GSDMB: variants seen among roughly 807,000 people sequenced by gnomAD.
GSDMB encodes the protein gasdermin B, also known as gasdermin-B.
A neutral mutation model predicts 42.9 loss-of-function variants in GSDMB; 32 were observed. The ratio of observed to expected loss-of-function variants is 0.75; its 90% CI spans 0.56 to 1.00. The LOEUF (loss-of-function observed/expected upper bound fraction) is 1.00, where lower values mean the gene tolerates loss of function less well. Ranked by LOEUF, GSDMB falls within the 50% of genes least tolerant of loss-of-function variation. The pLI, the probability that GSDMB is intolerant of heterozygous loss-of-function variation, is 0.00. For synonymous variants in GSDMB, 175 were observed against 193.7 expected (o/e 0.90, Z 0.80); for missense variants, 468 against 498.5 (o/e 0.94, Z 0.58).
At chr17:39,917,553 T>G in intron 1 of GSDMB, 2 of 484,524 alleles carry the variant, frequency 4.1e-6, no homozygotes, top group Non-Finnish European at 7.5e-6. Flanking sequence ...TTGTGATTTG[T>G]TCCTGCCCCA....
chr17:39,913,013 A>G (rs1406772248), intron 2 of GSDMB, among the ~76,000 whole-genome samples: 1 of 152,148 alleles, frequency 6.6e-6, no homozygotes, highest in African/African-American at 2.4e-5. Flanking sequence ...AGGCTGAGGC[A>G]TGAGAATCGC....
chr17:39,911,845 C>T (rs1344006190), intron 3 of GSDMB, among the ~76,000 whole-genome samples: 3 of 151,926 alleles, frequency 2.0e-5, no homozygotes, highest in African/African-American at 7.3e-5. Context: ...GAGAGTGCCT[C>T]TTAAACCACC....
chr17:39,918,438 T>C (rs2063754209), intron 1 of GSDMB, 96 bp downstream of exon 1: 1 of 152,606 alleles, frequency 6.6e-6, no homozygotes, highest in Admixed American at 6.5e-5. Flanking sequence ...GGCCCCATCA[T>C]GGTGGTTGAC....
intron 3 of GSDMB, among the ~76,000 whole-genome samples, chr17:39,910,588 G>A (rs2063589534): frequency 6.6e-6 from 1 of 152,160 alleles, no homozygotes; most frequent in Non-Finnish European, 1.5e-5. Context: ...CCGTGACACT[G>A]AGATAGGCAT....
At chr17:39,915,692 C>T (rs1018125898) in intron 2 of GSDMB, among the ~76,000 whole-genome samples, 2 of 150,908 alleles carry the variant, frequency 1.3e-5, no homozygotes, top group East Asian at 1.9e-4. Context: ...TTGAAAGATG[C>T]GAATCTGAAA....
At chr17:39,911,980 T>C (rs1403505619) in intron 3 of GSDMB, among the ~76,000 whole-genome samples, 1 of 147,472 alleles carries the variant, frequency 6.8e-6, no homozygotes, top group South Asian at 2.1e-4. Context: ...AACAACCAGG[T>C]TTGTCCAAGT....
chr17:39,908,214 T>G lies in GSDMB; in HGVS notation c.662A>C (p.Asn221Thr). The G allele has an allele frequency of 2.6e-6, 4 of 1,517,400 alleles. No individual in the cohort carries two copies. Among genetic ancestry groups the G allele is most frequent in the Non-Finnish European group, 3.6e-6 (4 of 1,116,590 alleles). 94.0% of individuals were successfully genotyped at this position (1,517,400 alleles called of 1,614,324 possible). A position where few individuals can be genotyped will look rare whatever the true frequency, so the allele number is the denominator to read the frequency against. ...TTTTGTTTTGCCCCTGAAATGAATA[T>G]CTAAACCAGCACCAAAAAGGGAGGA... The part of the protein sequence containing the change: ...QLVFPNKETM[N>T]IHFRGKTKSF... Residue 221 changes from asparagine (N) to threonine (T), a missense_variant and splice_region_variant, in exon 6 of 11, where the codon AAT (asparagine) becomes ACT (threonine). Asn to Thr is a moderately conservative substitution (Grantham distance 65). Coordinates refer to ENST00000418519, the MANE Select transcript of GSDMB (RefSeq NM_001165958.2).
rs1486624221 is a variant in GSDMB, at chr17:39,906,957, T to C, written c.727+4A>G. 1 of 1,613,954 alleles carries C rather than the reference T, an allele frequency of 6.2e-7. No homozygotes were observed. Among genetic ancestry groups the C allele is most frequent in the Non-Finnish European group, 8.5e-7 (1 of 1,179,942 alleles). ...CCCTGAACACACTTGGCTATCACCC[T>C]TACCTAAACAGGATGAAGCACCATC... On this transcript the variant is annotated splice_donor_region_variant and intron_variant, in intron 7 of 10. Coordinates refer to ENST00000418519, the MANE Select transcript of GSDMB (RefSeq NM_001165958.2).
intron 5 of GSDMB, 102 bp from the exon 6 acceptor site, chr17:39,908,316 C>T (rs2063542440): frequency 2.4e-6 from 1 of 412,798 alleles, no homozygotes; most frequent in South Asian, 3.9e-5. Flanking sequence ...CCTATACCAG[C>T]CTCCAATCAA....
At chr17:39,908,016 C>T (rs1016761613) in intron 6 of GSDMB, among the ~76,000 whole-genome samples, 160 bp downstream of exon 6, 1 of 152,216 alleles carries the variant, frequency 6.6e-6, no homozygotes, top group Non-Finnish European at 1.5e-5. Flanking sequence ...GCAATCCAGA[C>T]TCTTCAACAG....
chr17:39,912,290 TTCCC>T, intron 3 of GSDMB, 32 bp downstream of exon 3: 1 of 1,544,846 alleles, frequency 6.5e-7, no homozygotes, highest in African/African-American at 1.4e-5. Context: ...GATGGGCTTC[TTCCC>T]CTCCTTCCCT....
Position 39,912,440 on chromosome 17 carries a change from A to T in GSDMB, c.293T>A (p.Val98Glu). ...DNVDSTGELIVRLPKEITISG... is the reference protein window; with the variant it reads ...DNVDSTGELIERLPKEITISG... The stretch of plus-strand genomic sequence containing the variant: ...AATTGTTATTTCTTTGGGTAATCTC[A>T]CTATCAACTCTCCCGTTGAGTCTAC... Residue 98 changes from valine (V) to glutamate (E), a missense_variant, in exon 3 of 11, where the codon GTG (valine) becomes GAG (glutamate). Transcript: ENST00000418519. 6.2e-7 allele frequency: 1 copy of T among 1,610,726 alleles called. No individual in the cohort carries two copies.
At chr17:39,910,752 T>C (rs1021257668) in intron 3 of GSDMB, among the ~76,000 whole-genome samples, 1 of 152,222 alleles carries the variant, frequency 6.6e-6, no homozygotes, top group Non-Finnish European at 1.5e-5. Flanking sequence ...AACAGTCTGA[T>C]GGAGTTTCTA....
At chr17:39,916,978 G>T in intron 2 of GSDMB, 104 bp downstream of exon 2, 1 of 743,960 alleles carries the variant, frequency 1.3e-6, no homozygotes. Flanking sequence ...AAATCCCACA[G>T]TTTCGTTGTT....
intron 2 of GSDMB, among the ~76,000 whole-genome samples, chr17:39,913,576 GCCACTGCA>G (rs1801516610): frequency 6.6e-6 from 1 of 152,044 alleles, no homozygotes; most frequent in South Asian, 2.1e-4. Flanking sequence ...CCAAGATCAA[GCCACTGCA>G]CTCCAGCCTG....
intron 2 of GSDMB, among the ~76,000 whole-genome samples, chr17:39,914,839 T>TTG (rs1451574916): frequency 3.3e-5 from 5 of 150,782 alleles, no homozygotes; most frequent in East Asian, 2.0e-4. Flanking sequence ...CACACTTTTT[T>TTG]TTTTGTTTTT....
At position 39,909,913 on chromosome 17, in the gene GSDMB, CTCT is replaced by C. The variant is rs2063577216; in HGVS notation, c.416_418del (p.Lys139del). 6.2e-7 allele frequency: 1 copy of C among 1,613,298 alleles called. No individual in the cohort carries two copies. The highest frequency in any genetic ancestry group is 1.7e-5 in the Admixed American group (1 of 59,956). On this transcript the variant is annotated inframe_deletion, in exon 4 of 11. Coordinates refer to ENST00000418519, the MANE Select transcript of GSDMB (RefSeq NM_001165958.2). ...TGATCGGAATGAAAAGGGTAGTTCC[CTCT>C]TCAGCTTCCTGGAGAGAGTGGAGAG...
At chr17:39,914,165 GGTCATGTTGACA>G (rs2063664399) in intron 2 of GSDMB, among the ~76,000 whole-genome samples, 1 of 152,140 alleles carries the variant, frequency 6.6e-6, no homozygotes, top group African/African-American at 2.4e-5. Flanking sequence ...AACAGTGATA[GGTCATGTTGACA>G]GTACGTACCC....
rs767068031 is a variant in GSDMB at position 39,909,777 on chromosome 17, G to T, written c.555C>A (p.Gly185=). 6 of 1,613,938 alleles carry T rather than the reference G, an allele frequency of 3.7e-6. No individual in the cohort carries two copies. The highest frequency in any genetic ancestry group is 5.1e-6 in the Non-Finnish European group (6 of 1,179,940). Residue 185 remains glycine, a synonymous_variant, in exon 4 of 11, where the codon GGC becomes GGA. Coordinates refer to ENST00000418519, the MANE Select transcript of GSDMB (RefSeq NM_001165958.2). ...QYKFWSQISQ[G]HLSYKHKGQR... The stretch of plus-strand genomic sequence containing the variant: ...TAACCTTGTGTTTATAGCTGAGATG[G>T]CCCTGAGAGATCTGGCTCCAAAATT...
Sources: gnomAD v4.1 joint callset for allele counts (sites outside exome capture counted in the v4.1 genomes callset) on GRCh38, gnomAD v4.1.1 for gene constraint, MANE v1.5 for transcripts, NCBI Gene and HGNC (gene_info 2026-07-23, HGNC 2026-07-21) for gene names.